Variants in SOS2 observed in about 807,000 individuals in gnomAD.
SOS2 encodes the protein SOS Ras/Rho guanine nucleotide exchange factor 2, also known as son of sevenless homolog 2.
SOS2 carries 65 observed loss-of-function variants against 148.2 expected under a neutral mutation model. That is an observed-to-expected ratio of 0.44 (90% confidence interval 0.36 to 0.54). The LOEUF is 0.54. Ranked by LOEUF, SOS2 falls within the 20% of genes least tolerant of loss-of-function variation. The pLI is 0.00. For missense variants in SOS2, 1,341 were observed against 1,590.2 expected, an observed-to-expected ratio of 0.84 and a Z score of 2.67; for synonymous variants, 539 against 537.1, an observed-to-expected ratio of 1.00 and a Z score of -0.05.
chr14:50,177,547 C>G (rs1461905356), intron 7 of SOS2, among the ~76,000 whole-genome samples: 2 of 151,792 alleles, frequency 1.3e-5, no homozygotes. Context: ...AATTCCACAG[C>G]AAAAATTCCT....
chr14:50,148,534 A>G (rs1884565708), intron 14 of SOS2, among the ~76,000 whole-genome samples: 1 of 152,184 alleles, frequency 6.6e-6, no homozygotes, highest in South Asian at 2.1e-4. Context: ...ATGTAAAACA[A>G]TTACATTGTG....
rs769306518 is a variant in SOS2, at chr14:50,153,053, A to G, written c.2161+17T>C. 1 of 1,238,530 alleles carries G rather than the reference A, an allele frequency of 8.1e-7. No homozygotes were observed. The highest frequency in any genetic ancestry group is 1.2e-6 in the Non-Finnish European group (1 of 862,190). The allele number at this position is 1,238,530 out of a possible 1,614,324, so 76.7% of individuals were successfully genotyped here. A position where few individuals can be genotyped will look rare whatever the true frequency, so the allele number is the denominator to read the frequency against. The stretch of plus-strand genomic sequence containing the variant: ...CATGTTCAATATAAGATTCAATCAA[A>G]CCTTTATATAATATACCTCTTACAC... On this transcript the variant is annotated intron_variant, in intron 13 of 22. Transcript: ENST00000216373.
chr14:50,211,397 A>C (rs1886864285), intron 1 of SOS2, among the ~76,000 whole-genome samples: 1 of 152,106 alleles, frequency 6.6e-6, no homozygotes, highest in South Asian at 2.1e-4. Context: ...ATATTGTGTC[A>C]TGCTGAGGTT....
intron 19 of SOS2, among the ~76,000 whole-genome samples, chr14:50,133,534 A>C (rs922994745): frequency 6.6e-6 from 1 of 152,062 alleles, no homozygotes; most frequent in Non-Finnish European, 1.5e-5. Context: ...CATATATCAC[A>C]CAATTGTGAA....
intron 21 of SOS2, among the ~76,000 whole-genome samples, chr14:50,126,519 AATT>A (rs1372818312): frequency 1.3e-5 from 2 of 152,126 alleles, no homozygotes; most frequent in African/African-American, 4.8e-5. Flanking sequence ...AAAATACTAT[AATT>A]ATTATCCTAA....
intron 1 of SOS2, among the ~76,000 whole-genome samples, chr14:50,213,890 GAAAA>G (rs1242909114): frequency 1.2e-5 from 1 of 80,774 alleles, no homozygotes; most frequent in Non-Finnish European, 2.7e-5. Context: ...TCCCTGCCAA[GAAAA>G]AAAAAAAAAA....
At chr14:50,157,259 T>C in intron 11 of SOS2, 138 bp from the exon 12 acceptor site, 4 of 833,586 alleles carry the variant, frequency 4.8e-6, no homozygotes, top group Non-Finnish European at 7.0e-6. Context: ...TATGATATAC[T>C]ACAAAAAACT....
intron 7 of SOS2, among the ~76,000 whole-genome samples, chr14:50,177,914 C>T (rs1885578006): frequency 6.6e-6 from 1 of 151,980 alleles, no homozygotes; most frequent in African/African-American, 2.4e-5. Context: ...CATATGTACA[C>T]GGTACACAGT....
At chr14:50,147,181 G>C (rs527357802) in intron 14 of SOS2, among the ~76,000 whole-genome samples, 5 of 152,112 alleles carry the variant, frequency 3.3e-5, no homozygotes, top group African/African-American at 1.2e-4. Flanking sequence ...GGGTGACAGA[G>C]TGAGACCCCA....
chr14:50,222,556 G>T (rs574839264), intron 1 of SOS2, among the ~76,000 whole-genome samples: 2 of 152,324 alleles, frequency 1.3e-5, no homozygotes, highest in African/African-American at 2.4e-5. Context: ...CCAAGAAAAT[G>T]ATGTCTGACT....
At chr14:50,183,118 T>C (rs984260591) in intron 5 of SOS2, among the ~76,000 whole-genome samples, 3 of 152,168 alleles carry the variant, frequency 2.0e-5, no homozygotes, top group Admixed American at 6.6e-5. Context: ...AGTTATTACA[T>C]GTGAATGCAC....
At chr14:50,212,263 C>T (rs1260439999) in intron 1 of SOS2, among the ~76,000 whole-genome samples, 3 of 152,214 alleles carry the variant, frequency 2.0e-5, no homozygotes, top group African/African-American at 4.8e-5. Flanking sequence ...ATCACAAGGT[C>T]AAGAGATCGA....
intron 7 of SOS2, among the ~76,000 whole-genome samples, chr14:50,176,539 T>TA (rs1885528035): frequency 6.6e-6 from 1 of 152,250 alleles, no homozygotes; most frequent in African/African-American, 2.4e-5. Flanking sequence ...AGTCCTCTGA[T>TA]AATAACAGGA....
chr14:50,207,796 C>T (rs1368252498), intron 1 of SOS2, among the ~76,000 whole-genome samples: 1 of 150,830 alleles, frequency 6.6e-6, no homozygotes, highest in Non-Finnish European at 1.5e-5. Context: ...ATCTTAGCTA[C>T]TTGGGTGGCT....
rs1038017964 is a variant in SOS2 at position 50,195,273 on chromosome 14, G to A, written c.510+4418C>T. 2.6e-5 allele frequency among the ~76,000 whole-genome samples: 4 copies of A among 152,116 alleles called. No homozygotes were observed. In the South Asian group the frequency reaches 8.3e-4, roughly 32 times the overall value. ...GAATAGCATATAGAATGAAGGATAC[G>A]TACATGCATTTCAATATACTCTGTT... On this transcript the variant is annotated intron_variant, in intron 4 of 22. Coordinates refer to ENST00000216373, the MANE Select transcript of SOS2 (RefSeq NM_006939.4).
intron 1 of SOS2, among the ~76,000 whole-genome samples, chr14:50,215,782 C>A (rs1454845693): frequency 6.6e-6 from 1 of 152,140 alleles, no homozygotes; most frequent in Admixed American, 6.5e-5. Flanking sequence ...TAGACACACA[C>A]AAAAGCACTT....
At chr14:50,174,653 C>CT (rs1885467957) in intron 7 of SOS2, 101 bp from the exon 8 acceptor site, 4 of 512,082 alleles carry the variant, frequency 7.8e-6, no homozygotes, top group Non-Finnish European at 1.4e-5. Context: ...GAGATACAGA[C>CT]TTATCAAAAC....
rs1883834512 is a variant in SOS2 at position 50,130,525 on chromosome 14, C to CTAAAAA, written c.3307_3312dup (p.Phe1103_Leu1104dup). 1 of 1,613,874 alleles carries CTAAAAA rather than the reference C, an allele frequency of 6.2e-7. No homozygotes were observed. The highest frequency in any genetic ancestry group is 2.2e-5 in the East Asian group (1 of 44,892). On this transcript the variant is annotated inframe_insertion, in exon 20 of 23. Transcript: ENST00000216373. Reference sequence around the variant, plus strand: ...CCACAGGAGCTGTTGAGATCCACATCTAAAAATACACTAAGGTCTGAAGAA... The same window carrying CTAAAAA: ...CCACAGGAGCTGTTGAGATCCACATCTAAAAATAAAAATACACTAAGGTCTGAAGAA...
chr14:50,185,584 C>T (rs1487189748), intron 5 of SOS2, among the ~76,000 whole-genome samples: 2 of 151,052 alleles, frequency 1.3e-5, no homozygotes, highest in Non-Finnish European at 1.5e-5. Context: ...CCTAGCTACT[C>T]GGGAGGCTGA....
Sources: gnomAD v4.1 joint callset for allele counts (sites outside exome capture counted in the v4.1 genomes callset) on GRCh38, gnomAD v4.1.1 for gene constraint, MANE v1.5 for transcripts, NCBI Gene and HGNC (gene_info 2026-07-23, HGNC 2026-07-21) for gene names.